Variants in TMEM217B observed in about 807,000 individuals in gnomAD.
TMEM217B encodes transmembrane protein 217B.
the TMEM217B span, among the ~76,000 whole-genome samples, chr6:37,247,599 G>A: frequency 6.6e-6 from 1 of 152,032 alleles, no homozygotes; most frequent in African/African-American, 2.4e-5. Context: ...TGTTGGCCAG[G>A]ATGGTCTCGA....
chr6:37,256,155 T>A, the TMEM217B span, among the ~76,000 whole-genome samples: 1 of 152,156 alleles, frequency 6.6e-6, no homozygotes, highest in African/African-American at 2.4e-5. Flanking sequence ...AAGTGGCAGG[T>A]ATCTTGTCAC....
chr6:37,248,454 C>T, the TMEM217B span, among the ~76,000 whole-genome samples: 1 of 152,200 alleles, frequency 6.6e-6, no homozygotes, highest in African/African-American at 2.4e-5. Flanking sequence ...CCCCTCCCTT[C>T]ACTCACCCAA....
the TMEM217B span, among the ~76,000 whole-genome samples, chr6:37,251,538 T>C: frequency 6.6e-6 from 1 of 152,226 alleles, no homozygotes; most frequent in Non-Finnish European, 1.5e-5. Context: ...ATTAACAGAA[T>C]GTTGAGTGAA....
At chr6:37,216,030 T>TGA in the TMEM217B span, among the ~76,000 whole-genome samples, 143 of 128,256 alleles carry the variant, frequency 1.1e-3, no homozygotes, top group African/African-American at 3.0e-3. Flanking sequence ...TGTGTGTGTG[T>TGA]GTGAGAAACA....
chr6:37,251,198 T>A, the TMEM217B span, among the ~76,000 whole-genome samples: 3 of 152,222 alleles, frequency 2.0e-5, no homozygotes. Context: ...GTTTTTTATT[T>A]TTTCATGTCA....
the TMEM217B span, among the ~76,000 whole-genome samples, chr6:37,242,955 C>T: frequency 6.6e-6 from 1 of 152,108 alleles, no homozygotes; most frequent in South Asian, 2.1e-4. Context: ...CTTCTCATGG[C>T]TCATTGGTCA....
At chr6:37,243,749 C>T in the TMEM217B span, among the ~76,000 whole-genome samples, 1 of 152,186 alleles carries the variant, frequency 6.6e-6, no homozygotes, top group Non-Finnish European at 1.5e-5. Flanking sequence ...CAGGCATGCA[C>T]CACCACACCT....
At chr6:37,253,653 C>T in the TMEM217B span, among the ~76,000 whole-genome samples, 1 of 152,108 alleles carries the variant, frequency 6.6e-6, no homozygotes, top group Non-Finnish European at 1.5e-5. Flanking sequence ...ATTTCTTAAC[C>T]CTTCCCCTCA....
chr6:37,225,187 G>A, the TMEM217B span, among the ~76,000 whole-genome samples: 8 of 151,906 alleles, frequency 5.3e-5, no homozygotes, highest in African/African-American at 1.7e-4. Flanking sequence ...GTGACAGAGC[G>A]AGACTCTGAC....
the TMEM217B span, chr6:37,257,903 C>T: frequency 6.2e-7 from 1 of 1,612,732 alleles, no homozygotes; most frequent in Non-Finnish European, 8.5e-7. Context: ...ACAAGGACTT[C>T]CCCCGGCCAG....
the TMEM217B span, among the ~76,000 whole-genome samples, chr6:37,242,079 A>G: frequency 7.0e-6 from 1 of 141,872 alleles, no homozygotes; most frequent in African/African-American, 2.7e-5. Flanking sequence ...CCCTGAGTTC[A>G]CCCAATCTTG....
At chr6:37,246,373 A>C in the TMEM217B span, among the ~76,000 whole-genome samples, 13 of 152,144 alleles carry the variant, frequency 8.5e-5, no homozygotes, top group African/African-American at 2.7e-4. Context: ...TCCCCAGGGC[A>C]TGCTCTTCTC....
At chr6:37,222,862 G>T in the TMEM217B span, among the ~76,000 whole-genome samples, 2 of 152,180 alleles carry the variant, frequency 1.3e-5, no homozygotes, top group Non-Finnish European at 2.9e-5. Context: ...AACCCTAGCC[G>T]CGCCTCCCTG....
chr6:37,249,999 C>T, the TMEM217B span, among the ~76,000 whole-genome samples: 2 of 152,098 alleles, frequency 1.3e-5, no homozygotes, highest in Admixed American at 1.3e-4. Flanking sequence ...GAATGTGAAA[C>T]AACCAAATGT....
At chr6:37,218,237 T>C in the TMEM217B span, 1 of 1,323,606 alleles carries the variant, frequency 7.6e-7, no homozygotes, top group African/African-American at 1.5e-5. Context: ...TGGCGCAATC[T>C]CGGCTCACTG....
chr6:37,212,494 C>T, the TMEM217B span: 36 of 456,126 alleles, frequency 7.9e-5, no homozygotes, highest in South Asian at 4.8e-4. Flanking sequence ...GAGCCTGTGG[C>T]GGCGTTTCCT....
chr6:37,246,753 A>G, the TMEM217B span, among the ~76,000 whole-genome samples: 5 of 152,068 alleles, frequency 3.3e-5, no homozygotes, highest in Admixed American at 1.3e-4. Context: ...ATAATTTTAA[A>G]AATTAGCTGA....
chr6:37,258,120 C>A, the TMEM217B span: 1 of 904,146 alleles, frequency 1.1e-6, no homozygotes, highest in Non-Finnish European at 1.6e-6. Flanking sequence ...GGGCAGCTGT[C>A]AGGCAGCGAA....
chr6:37,241,452 C>G, the TMEM217B span, among the ~76,000 whole-genome samples: 2 of 152,144 alleles, frequency 1.3e-5, no homozygotes. Flanking sequence ...ACCCTGAGCA[C>G]TAGGGATTCT....
Sources: allele counts gnomAD v4.1 joint callset (sites outside exome capture counted in the v4.1 genomes callset), GRCh38; gene constraint gnomAD v4.1.1; transcripts MANE v1.5; gene names NCBI Gene and HGNC (gene_info 2026-07-23, HGNC 2026-07-21).